RBPJ: variants seen among roughly 807,000 people sequenced by gnomAD.
RBPJ encodes recombination signal binding protein for immunoglobulin kappa J region.
RBPJ carries 9 observed loss-of-function variants against 67.8 expected under a neutral mutation model. That is an observed-to-expected ratio of 0.13 (90% CI 0.08 to 0.23). The LOEUF (loss-of-function observed/expected upper bound fraction) is 0.23. Ranked by LOEUF, RBPJ falls within the 10% of genes least tolerant of loss-of-function variation. The pLI is 1.00. For synonymous variants in RBPJ, 198 were observed against 203.3 expected, an observed-to-expected ratio of 0.97 and a Z score of 0.22; for missense variants, 305 against 595.6, an observed-to-expected ratio of 0.51 and a Z score of 5.08.
At chr4:26,256,791 A>T (rs1300207136) in intron 1 of RBPJ, among the ~76,000 whole-genome samples, 2 of 152,236 alleles carry the variant, frequency 1.3e-5, no homozygotes, top group Non-Finnish European at 2.9e-5. Flanking sequence ...CAATCACCGT[A>T]TTTATGAGCT....
chr4:26,214,712 GGA>G (rs1553849743), intron 1 of RBPJ, among the ~76,000 whole-genome samples: 2 of 43,854 alleles, frequency 4.6e-5, no homozygotes, highest in African/African-American at 1.2e-4. Context: ...AAGGAAGGAA[GGA>G]GAGAGAGAGA....
intron 5 of RBPJ, chr4:26,420,957 GGGA>G (rs1031750803): frequency 9.2e-6 from 4 of 433,784 alleles, no homozygotes; most frequent in African/African-American, 8.1e-5. Flanking sequence ...CTGGGGAAAT[GGGA>G]GATTTTCTCC....
intron 1 of RBPJ, among the ~76,000 whole-genome samples, chr4:26,202,634 C>T (rs919610292): frequency 1.3e-5 from 2 of 151,880 alleles, no homozygotes; most frequent in African/African-American, 2.4e-5. Flanking sequence ...CAGCTGGGCA[C>T]GGTGGCTCAT....
chr4:26,171,033 G>A (rs191620499), intron 1 of RBPJ, among the ~76,000 whole-genome samples: 33 of 152,292 alleles, frequency 2.2e-4, no homozygotes, highest in Admixed American at 1.8e-3. Context: ...ATATTAATAC[G>A]TGATCTTGTG....
At chr4:26,139,035 A>C in the RBPJ span, among the ~76,000 whole-genome samples, 1 of 152,212 alleles carries the variant, frequency 6.6e-6, no homozygotes, top group African/African-American at 2.4e-5. Context: ...AGCTCAGGAC[A>C]ACCCAGGCAG....
At chr4:26,393,217 A>G (rs1268859540) in intron 2 of RBPJ, among the ~76,000 whole-genome samples, 1 of 152,208 alleles carries the variant, frequency 6.6e-6, no homozygotes, top group African/African-American at 2.4e-5. Flanking sequence ...TTTATTATTG[A>G]AGCTAAAATA....
At chr4:26,170,841 C>A (rs1228326764) in intron 1 of RBPJ, among the ~76,000 whole-genome samples, 3 of 152,222 alleles carry the variant, frequency 2.0e-5, no homozygotes, top group Admixed American at 6.5e-5. Context: ...AGCCATCAGA[C>A]AAATCTTAAT....
At chr4:26,168,849 C>T (rs1019344241) in intron 1 of RBPJ, among the ~76,000 whole-genome samples, 2 of 152,064 alleles carry the variant, frequency 1.3e-5, no homozygotes, top group African/African-American at 4.8e-5. Flanking sequence ...ACCCTTTCTT[C>T]CAGTTGATCA....
intron 1 of RBPJ, among the ~76,000 whole-genome samples, chr4:26,208,480 A>G (rs1022764072): frequency 6.6e-6 from 1 of 152,236 alleles, no homozygotes; most frequent in Non-Finnish European, 1.5e-5. Flanking sequence ...GTCACCATCT[A>G]TCACAAAGAA....
At chr4:26,317,421 A>G (rs1261111248), upstream of RBPJ, among the ~76,000 whole-genome samples, 1 of 152,178 alleles carries the variant, frequency 6.6e-6, no homozygotes, top group Non-Finnish European at 1.5e-5. Context: ...GTGAGAGCCC[A>G]CAGAGTGAGA....
chr4:26,303,891 C>G (rs1722154986), intron 1 of RBPJ, among the ~76,000 whole-genome samples: 2 of 152,240 alleles, frequency 1.3e-5, no homozygotes. Flanking sequence ...ATGCACTTCA[C>G]ATACCATATA....
intron 1 of RBPJ, among the ~76,000 whole-genome samples, chr4:26,231,598 G>A (rs1175356527): frequency 1.3e-5 from 2 of 151,940 alleles, no homozygotes; most frequent in Non-Finnish European, 2.9e-5. Flanking sequence ...TTTTAGTAGA[G>A]ATGGGGTTTC....
chr4:26,114,178 G>C, the RBPJ span, among the ~76,000 whole-genome samples: 1 of 152,110 alleles, frequency 6.6e-6, no homozygotes, highest in East Asian at 1.9e-4. Flanking sequence ...ATGTATGTGG[G>C]CCTGGCGTGT....
At chr4:26,242,574 CT>C (rs1387839768) in intron 1 of RBPJ, among the ~76,000 whole-genome samples, 1 of 151,746 alleles carries the variant, frequency 6.6e-6, no homozygotes, top group Non-Finnish European at 1.5e-5. Context: ...GCTGTTTGGC[CT>C]TTTGGTTGCA....
chr4:26,415,948 G>A (rs1473875436), intron 4 of RBPJ, among the ~76,000 whole-genome samples: 1 of 152,084 alleles, frequency 6.6e-6, no homozygotes, highest in Non-Finnish European at 1.5e-5. Flanking sequence ...CTCATCTTCT[G>A]TTTGACAGAG....
intron 1 of RBPJ, among the ~76,000 whole-genome samples, chr4:26,246,030 G>A (rs1219353503): frequency 1.3e-5 from 2 of 152,120 alleles, no homozygotes; most frequent in Non-Finnish European, 2.9e-5. Context: ...TTAAAAGATT[G>A]TTATAGTTAT....
At chr4:26,233,243 G>A (rs1217895437) in intron 1 of RBPJ, among the ~76,000 whole-genome samples, 1 of 152,062 alleles carries the variant, frequency 6.6e-6, no homozygotes, top group Non-Finnish European at 1.5e-5. Flanking sequence ...TAAAATACTG[G>A]GGGGGAAAAC....
intron 1 of RBPJ, among the ~76,000 whole-genome samples, chr4:26,288,249 G>A (rs574985620): frequency 1.3e-5 from 2 of 152,180 alleles, no homozygotes; most frequent in Non-Finnish European, 2.9e-5. Context: ...TCTAGCTTGG[G>A]ATCTATAAAG....
chr4:26,396,342 G>A (rs1732114230), intron 2 of RBPJ, among the ~76,000 whole-genome samples: 1 of 152,148 alleles, frequency 6.6e-6, no homozygotes, highest in East Asian at 1.9e-4. Context: ...TGTTTATAGG[G>A]CATCTTGAGG....
Sources: allele counts gnomAD v4.1 joint callset (sites outside exome capture counted in the v4.1 genomes callset), GRCh38; gene constraint gnomAD v4.1.1; transcripts MANE v1.5; gene names NCBI Gene and HGNC (gene_info 2026-07-23, HGNC 2026-07-21).